Variants in GREB1L observed in about 807,000 individuals in gnomAD.
GREB1L encodes GREB1-like protein.
In GREB1L, 17 loss-of-function variants were observed where a neutral mutation model predicts 200.8. The observed-to-expected ratio is 0.08, with a 90% CI of 0.06 to 0.13. GREB1L has a LOEUF of 0.13. GREB1L is among the 10% of genes least tolerant of loss of function. GREB1L has a pLI of 1.00. For missense variants in GREB1L, 1,657 were observed against 2,367.7 expected, an observed-to-expected ratio of 0.70 and a Z score of 6.23; for synonymous variants, 789 against 893.0, an observed-to-expected ratio of 0.88 and a Z score of 2.08.
At chr18:21,460,702 T>G (rs563177127) in intron 15 of GREB1L, among the ~76,000 whole-genome samples, 1 of 152,200 alleles carries the variant, frequency 6.6e-6, no homozygotes, top group Admixed American at 6.5e-5. Flanking sequence ...TGGACTCCAT[T>G]TCACTCCTCA....
intron 17 of GREB1L, among the ~76,000 whole-genome samples, chr18:21,477,842 A>G (rs1017143112): frequency 6.6e-6 from 1 of 152,098 alleles, no homozygotes; most frequent in Non-Finnish European, 1.5e-5. Context: ...AGTTCCATAT[A>G]TTTTAACAAT....
intron 7 of GREB1L, among the ~76,000 whole-genome samples, chr18:21,407,921 T>C (rs1024097816): frequency 1.8e-4 from 27 of 152,226 alleles, no homozygotes; most frequent in Admixed American, 8.5e-4. Flanking sequence ...AAACAGTTGA[T>C]TTCATGGAGA....
chr18:21,466,444 T>C (rs1298934153), intron 15 of GREB1L, among the ~76,000 whole-genome samples: 1 of 152,052 alleles, frequency 6.6e-6, no homozygotes, highest in Admixed American at 6.6e-5. Context: ...AAAATAATTT[T>C]AGACATAAAA....
rs898532105 is a variant in GREB1L, at chr18:21,508,233, A to G, written c.4484A>G (p.Gln1495Arg). Residue 1495 changes from glutamine to arginine, a missense_variant, in exon 26 of 33, where the codon CAG (glutamine) becomes CGG (arginine). Gln to Arg is a conservative substitution (Grantham distance 43, BLOSUM62 1). This residue lies in a region of GREB1L where 151 missense variants were observed against 309.6 expected (regional missense o/e 0.49). Transcript: ENST00000424526. ...SKESHFVFSK[Q>R]GKHLESMRLP... ...GAGAGTCATTTTGTCTTCAGCAAGC[A>G]GGGCAAGCACCTGGAGAGCATGCGG... is the stretch of plus-strand genomic sequence containing the variant. The G allele has an allele frequency of 1.3e-6, 2 of 1,551,744 alleles. No homozygotes were observed. The highest frequency in any genetic ancestry group is 1.2e-5 in the South Asian group (1 of 84,066).
intron 15 of GREB1L, among the ~76,000 whole-genome samples, chr18:21,469,523 T>C (rs2035399144): frequency 6.6e-6 from 1 of 152,220 alleles, no homozygotes; most frequent in Non-Finnish European, 1.5e-5. Flanking sequence ...TAACCTTTTT[T>C]CCAAGAAACC....
In GREB1L at chr18:21,508,599, G is replaced by GC. The variant is rs769510928; in HGVS notation, c.4735+14dup. ...TCAATAATGCAGGCGTGGGTAAGGG[G>GC]CCCCCCTGGGATGGGGAGAAGGGCT... On this transcript the variant is annotated intron_variant, in intron 27 of 32. Transcript: ENST00000424526. The GC allele has an allele frequency of 1.6e-5, 25 of 1,550,420 alleles. No individual in the cohort carries two copies. Among genetic ancestry groups the GC allele is most frequent in the Non-Finnish European group, 2.2e-5 (25 of 1,146,698 alleles).
At chr18:21,272,299 C>G (rs1248242006) in intron 1 of GREB1L, among the ~76,000 whole-genome samples, 1 of 152,198 alleles carries the variant, frequency 6.6e-6, no homozygotes, top group Non-Finnish European at 1.5e-5. Flanking sequence ...AGGCAAACAA[C>G]TCTTAACTGT....
chr18:21,308,376 GAA>G, intron 1 of GREB1L, among the ~76,000 whole-genome samples: 1 of 152,330 alleles, frequency 6.6e-6, no homozygotes, highest in Non-Finnish European at 1.5e-5. Flanking sequence ...TGTATTTACA[GAA>G]CATTCTAGGT....
Position 21,483,982 on chromosome 18 carries a change from G to GA in GREB1L, c.2557-1627dup, listed in dbSNP as rs1230556932. ...CAGAGTGAGACTCCTCAAAAAAAAA[G>GA]AAAAAAAAAAAGCTCAGAATTTGGG... On this transcript the variant is annotated intron_variant, in intron 17 of 32. Coordinates refer to ENST00000424526, the MANE Select transcript of GREB1L (RefSeq NM_001142966.3). Among the ~76,000 whole-genome samples, 62 of 131,966 alleles carry GA rather than the reference G, an allele frequency of 4.7e-4. 2 individuals are homozygous for GA. Among genetic ancestry groups the GA allele is most frequent in the African/African-American group, 7.3e-4 (26 of 35,434 alleles). The allele number at this position is 131,966 out of a possible 152,430, so 86.6% of individuals were successfully genotyped here.
At position 21,469,684 on chromosome 18, in the gene GREB1L, A is replaced by G. The variant is rs1018860210; in HGVS notation, c.2183-3347A>G. Reference sequence around the variant, plus strand: ...TATATTAACCCATGAATGCACACATATACCTCTCTATTTCTATATCTACCT... The same window carrying G: ...TATATTAACCCATGAATGCACACATGTACCTCTCTATTTCTATATCTACCT... On this transcript the variant is annotated intron_variant, in intron 15 of 32. Coordinates refer to ENST00000424526, the MANE Select transcript of GREB1L (RefSeq NM_001142966.3). Among the ~76,000 whole-genome samples, 79 of 152,208 alleles carry G rather than the reference A, an allele frequency of 5.2e-4. 1 individual carries two copies. Among genetic ancestry groups the G allele is most frequent in the Non-Finnish European group, 7.1e-4 (48 of 68,038 alleles).
chr18:21,356,851 T>G (rs1175929294), intron 1 of GREB1L, among the ~76,000 whole-genome samples: 1 of 152,224 alleles, frequency 6.6e-6, no homozygotes, highest in Non-Finnish European at 1.5e-5. Context: ...TTTCATCTTT[T>G]TTATAATAGC....
intron 1 of GREB1L, among the ~76,000 whole-genome samples, chr18:21,268,564 T>C (rs12607212): frequency 0.16 from 10,290 of 63,464 alleles, 522 homozygotes; most frequent in Non-Finnish European, 0.22. Flanking sequence ...CACACACATA[T>C]ATATATATAT....
chr18:21,459,960 C>G (rs537512252), intron 15 of GREB1L, among the ~76,000 whole-genome samples: 3 of 152,076 alleles, frequency 2.0e-5, no homozygotes, highest in African/African-American at 4.8e-5. Context: ...ATTTACCCCC[C>G]GCTTCACCAC....
chr18:21,402,090 A>G (rs1355309237), intron 6 of GREB1L, among the ~76,000 whole-genome samples: 1 of 152,202 alleles, frequency 6.6e-6, no homozygotes, highest in Non-Finnish European at 1.5e-5. Context: ...TTGAAGTAGC[A>G]TTATATAGTT....
intron 2 of GREB1L, among the ~76,000 whole-genome samples, chr18:21,372,235 G>A (rs146295593): frequency 0.015 from 2,208 of 147,804 alleles, 55 homozygotes; most frequent in African/African-American, 0.052. Context: ...TGCAACCTCC[G>A]CCTCCCGAGT....
intron 1 of GREB1L, among the ~76,000 whole-genome samples, chr18:21,353,350 G>A (rs867756540): frequency 2.0e-5 from 3 of 151,968 alleles, no homozygotes; most frequent in Non-Finnish European, 4.4e-5. Flanking sequence ...TACATGGCAG[G>A]TACTCAATAG....
intron 23 of GREB1L, among the ~76,000 whole-genome samples, chr18:21,503,407 A>G (rs1265248488): frequency 6.6e-6 from 1 of 151,790 alleles, no homozygotes; most frequent in Non-Finnish European, 1.5e-5. Context: ...AGGTTTCACC[A>G]TCTTGGCCAG....
At chr18:21,441,370 A>G in intron 9 of GREB1L, 30 bp from the exon 10 acceptor site, 1 of 1,507,908 alleles carries the variant, frequency 6.6e-7, no homozygotes, top group South Asian at 1.3e-5. Flanking sequence ...TTTTCACGCC[A>G]TCTTTCTTGT....
intron 2 of GREB1L, among the ~76,000 whole-genome samples, chr18:21,371,906 T>G (rs2039890967): frequency 6.6e-6 from 1 of 152,132 alleles, no homozygotes; most frequent in Admixed American, 6.5e-5. Flanking sequence ...CACAAAAATC[T>G]ATGAAATTGA....
Sources: allele counts gnomAD v4.1 joint callset (sites outside exome capture counted in the v4.1 genomes callset), GRCh38; gene constraint gnomAD v4.1.1; regional missense constraint gnomAD v4.1.1; transcripts MANE v1.5; gene names NCBI Gene and HGNC (gene_info 2026-07-23, HGNC 2026-07-21).